The following MACROD2 variants were observed in gnomAD, a reference collection of about 807,000 sequenced individuals.
MACROD2 encodes mono-ADP ribosylhydrolase 2.
Under a neutral mutation model 70.4 loss-of-function variants are expected in MACROD2, and 36 were observed. That is an observed-to-expected ratio of 0.51 (90% CI 0.39 to 0.68). The LOEUF (loss-of-function observed/expected upper bound fraction) is 0.68. Ranked by LOEUF, MACROD2 falls within the 30% of genes least tolerant of loss-of-function variation. MACROD2 has a pLI of 0.00. For synonymous variants in MACROD2, 172 were observed against 178.8 expected, an observed-to-expected ratio of 0.96 and a Z score of 0.30; for missense variants, 496 against 538.4, an observed-to-expected ratio of 0.92 and a Z score of 0.78.
intron 5 of MACROD2, among the ~76,000 whole-genome samples, chr20:14,724,653 G>A (rs940301643): frequency 6.6e-6 from 1 of 152,130 alleles, no homozygotes; most frequent in Non-Finnish European, 1.5e-5. Context: ...AACACATATG[G>A]TAACAATTCT....
intron 7 of MACROD2, among the ~76,000 whole-genome samples, chr20:15,496,801 A>G (rs1291618212): frequency 6.6e-6 from 1 of 152,176 alleles, no homozygotes; most frequent in Admixed American, 6.5e-5. Context: ...TGGAGAGTCA[A>G]CAAAGGCTGC....
At chr20:15,908,130 G>GT (rs2065176070) in intron 10 of MACROD2, among the ~76,000 whole-genome samples, 1 of 151,690 alleles carries the variant, frequency 6.6e-6, no homozygotes, top group African/African-American at 2.4e-5. Flanking sequence ...TGTGTTTTTT[G>GT]TTTTTTTCCT....
chr20:14,290,220 G>A (rs2082375024), intron 3 of MACROD2, among the ~76,000 whole-genome samples: 1 of 152,156 alleles, frequency 6.6e-6, no homozygotes, highest in South Asian at 2.1e-4. Context: ...CCCCTGTGAC[G>A]TGCAGTTTAC....
intron 2 of MACROD2, chr20:14,052,166 A>G: frequency 3.4e-6 from 1 of 296,630 alleles, no homozygotes; most frequent in Non-Finnish European, 6.6e-6. Flanking sequence ...CAAGGGTGGT[A>G]GAGAAATTAG....
At chr20:14,650,857 G>T (rs1205024943) in intron 4 of MACROD2, among the ~76,000 whole-genome samples, 1 of 152,196 alleles carries the variant, frequency 6.6e-6, no homozygotes, top group Non-Finnish European at 1.5e-5. Flanking sequence ...GTAAACTCAT[G>T]TCATTTGGTC....
Position 16,024,530 on chromosome 20 carries a change from G to GACACACACACACACAGAC in MACROD2, c.1154-16656_1154-16655insGACACACACACACACACA, listed in dbSNP as rs141641248. On this transcript the variant is annotated intron_variant, in intron 15 of 17. Coordinates refer to ENST00000684519, the MANE Select transcript of MACROD2 (RefSeq NM_001351661.2). Reference sequence around the variant, plus strand: ...ACACACACAGACACACACACACACAGACACACACACACACATGCCAACTAC... The same window carrying GACACACACACACACAGAC: ...ACACACACAGACACACACACACACAGACACACACACACACAGACACACACACACACACATGCCAACTAC... 3.0e-3 allele frequency among the ~76,000 whole-genome samples: 445 copies of GACACACACACACACAGAC among 150,510 alleles called. 3 individuals carry two copies. Among genetic ancestry groups the GACACACACACACACAGAC allele is most frequent in the African/African-American group, 0.011 (431 of 40,846 alleles).
At chr20:15,018,753 G>T (rs2075141314) in intron 5 of MACROD2, among the ~76,000 whole-genome samples, 1 of 152,066 alleles carries the variant, frequency 6.6e-6, no homozygotes, top group Non-Finnish European at 1.5e-5. Context: ...ATTAAGGGTG[G>T]ATCTGCCTTC....
chr20:15,463,685 G>C (rs4458280), intron 7 of MACROD2, among the ~76,000 whole-genome samples: 12,779 of 152,150 alleles, frequency 0.084, 739 homozygotes, highest in Non-Finnish European at 0.13. Context: ...GGAGGCAGAG[G>C]TTGCAGTGAG....
At chr20:15,908,858 AC>A (rs1296384833) in intron 10 of MACROD2, among the ~76,000 whole-genome samples, 1 of 152,186 alleles carries the variant, frequency 6.6e-6, no homozygotes, top group East Asian at 1.9e-4. Flanking sequence ...CTTTCCAAAC[AC>A]CCAAGTCACC....
chr20:14,213,686 C>A (rs2122141469), intron 3 of MACROD2, among the ~76,000 whole-genome samples: 1 of 152,070 alleles, frequency 6.6e-6, no homozygotes, highest in Non-Finnish European at 1.5e-5. Flanking sequence ...TCTCTATGGA[C>A]TGGGAGAGCT....
chr20:15,292,400 G>A (rs1169724384), intron 6 of MACROD2, among the ~76,000 whole-genome samples: 1 of 152,142 alleles, frequency 6.6e-6, no homozygotes, highest in Non-Finnish European at 1.5e-5. Context: ...AAAAATTGTT[G>A]CACCTATCTT....
At chr20:14,358,735 C>T (rs1325554875) in intron 3 of MACROD2, among the ~76,000 whole-genome samples, 11 of 152,176 alleles carry the variant, frequency 7.2e-5, no homozygotes, top group South Asian at 2.1e-4. Flanking sequence ...GGATTACAGG[C>T]GTGAGCCACT....
intron 4 of MACROD2, among the ~76,000 whole-genome samples, chr20:14,618,497 A>C (rs574239094): frequency 6.6e-6 from 1 of 152,252 alleles, no homozygotes; most frequent in South Asian, 2.1e-4. Flanking sequence ...AGTACTTAAA[A>C]TGATACCTAG....
At chr20:14,548,095 C>T (rs988429191) in intron 4 of MACROD2, among the ~76,000 whole-genome samples, 5 of 152,156 alleles carry the variant, frequency 3.3e-5, no homozygotes, top group South Asian at 2.1e-4. Flanking sequence ...AAAGCCACGT[C>T]GCAAAGGGGC....
intron 5 of MACROD2, among the ~76,000 whole-genome samples, chr20:14,798,907 C>T (rs1318182352): frequency 6.6e-6 from 1 of 151,716 alleles, no homozygotes; most frequent in East Asian, 1.9e-4. Flanking sequence ...TTGTATGATG[C>T]AAGAATGTGA....
intron 4 of MACROD2, among the ~76,000 whole-genome samples, chr20:14,616,429 T>TA (rs945087304): frequency 7.9e-5 from 12 of 152,128 alleles, no homozygotes; most frequent in African/African-American, 2.9e-4. Context: ...GAAGTATCTG[T>TA]AGTCATAGGA....
chr20:15,507,245 TTC>T (rs144403472), intron 8 of MACROD2, among the ~76,000 whole-genome samples: 9,357 of 151,026 alleles, frequency 0.062, 970 homozygotes, highest in African/African-American at 0.21. Flanking sequence ...CTCCCTACCG[TTC>T]TCTTTCTCTC....
intron 3 of MACROD2, among the ~76,000 whole-genome samples, chr20:14,253,006 G>A (rs1053651080): frequency 1.3e-5 from 2 of 151,884 alleles, no homozygotes; most frequent in Non-Finnish European, 2.9e-5. Context: ...TAGTTTTACA[G>A]TATGGTATGA....
At chr20:14,595,249 A>C (rs1298650001) in intron 4 of MACROD2, among the ~76,000 whole-genome samples, 1 of 152,174 alleles carries the variant, frequency 6.6e-6, no homozygotes, top group African/African-American at 2.4e-5. Context: ...TTAGGCGTGC[A>C]GACAATTTGA....
Sources: allele counts gnomAD v4.1 joint callset (sites outside exome capture counted in the v4.1 genomes callset), GRCh38; gene constraint gnomAD v4.1.1; transcripts MANE v1.5; gene names NCBI Gene and HGNC (gene_info 2026-07-23, HGNC 2026-07-21).